Variants in CADM2 observed in about 807,000 individuals in gnomAD.
The protein encoded by CADM2 is cell adhesion molecule 2.
Under a neutral mutation model 49.8 loss-of-function variants are expected in CADM2, and 12 were observed. The observed-to-expected ratio is 0.24, with a 90% CI of 0.15 to 0.39. CADM2 has a LOEUF of 0.39. Among genes scored for constraint, CADM2 ranks in the 10% least tolerant of loss-of-function variants. The pLI is 1.00. For missense variants in CADM2, 378 were observed against 492.3 expected (o/e 0.77, Z 2.20); for synonymous variants, 214 against 175.4 (o/e 1.22, Z -1.74).
At chr3:84,990,514 C>T (rs1010979946) in intron 1 of CADM2, among the ~76,000 whole-genome samples, 5 of 151,580 alleles carry the variant, frequency 3.3e-5, no homozygotes, top group Non-Finnish European at 5.9e-5. Flanking sequence ...TTATTTAGTC[C>T]TATAGTATTA....
intron 1 of CADM2, among the ~76,000 whole-genome samples, chr3:85,563,333 C>T (rs1281800300): frequency 1.3e-5 from 2 of 149,346 alleles, no homozygotes; most frequent in African/African-American, 2.4e-5. Flanking sequence ...CTTACCTCTT[C>T]ATACAACCAT....
At chr3:85,749,988 T>C (rs932310853) in intron 2 of CADM2, among the ~76,000 whole-genome samples, 6 of 152,018 alleles carry the variant, frequency 3.9e-5, no homozygotes, top group Admixed American at 1.3e-4. Context: ...AATGATCACG[T>C]GTATGGTCAA....
chr3:85,136,773 G>A (rs1395368508), intron 1 of CADM2, among the ~76,000 whole-genome samples: 1 of 151,860 alleles, frequency 6.6e-6, no homozygotes, highest in Non-Finnish European at 1.5e-5. Flanking sequence ...TCATATGTAA[G>A]CAAGCTTACT....
chr3:85,695,161 G>C (rs921230), intron 1 of CADM2, among the ~76,000 whole-genome samples: 63,522 of 151,900 alleles, frequency 0.42, 13,352 homozygotes, highest in South Asian at 0.49. Flanking sequence ...GATTTTTGTT[G>C]TCATAAAATG....
intron 2 of CADM2, among the ~76,000 whole-genome samples, chr3:85,764,414 A>G (rs1200255987): frequency 6.6e-6 from 1 of 152,144 alleles, no homozygotes; most frequent in Non-Finnish European, 1.5e-5. Flanking sequence ...TGTCATGAGT[A>G]GACATGCTCT....
intron 1 of CADM2, among the ~76,000 whole-genome samples, chr3:85,429,783 T>C (rs1198846364): frequency 6.6e-6 from 1 of 152,194 alleles, no homozygotes; most frequent in Non-Finnish European, 1.5e-5. Context: ...ATTGGTCAAA[T>C]CTGACCCACT....
chr3:85,576,546 A>G (rs745611581), intron 1 of CADM2, among the ~76,000 whole-genome samples: 1 of 152,250 alleles, frequency 6.6e-6, no homozygotes, highest in Non-Finnish European at 1.5e-5. Context: ...AGGCACAAAC[A>G]TACTCATACA....
chr3:85,240,320 T>A lies in CADM2; in HGVS notation c.61+280652T>A, dbSNP rs72915098. Among the ~76,000 whole-genome samples the A allele has an allele frequency of 6.4e-3, 978 of 151,668 alleles. 14 individuals are homozygous for A. The highest frequency in any genetic ancestry group is 0.022 in the African/African-American group (915 of 41,528). On this transcript the variant is annotated intron_variant, in intron 1 of 9. Coordinates refer to ENST00000383699, the MANE Select transcript of CADM2 (RefSeq NM_001167675.2). ...AAGAGCTATTTCTTGAAATCATCTA[T>A]TGGTGATAATGCTATTTATTTTATT...
intron 8 of CADM2, among the ~76,000 whole-genome samples, chr3:85,991,784 T>A (rs957808835): frequency 6.6e-6 from 1 of 152,130 alleles, no homozygotes; most frequent in African/African-American, 2.4e-5. Context: ...AATTTGGACT[T>A]ATTAATATTA....
intron 1 of CADM2, among the ~76,000 whole-genome samples, chr3:85,467,426 T>A (rs936863243): frequency 2.0e-5 from 3 of 152,152 alleles, no homozygotes; most frequent in Admixed American, 1.3e-4. Flanking sequence ...CCTCAAATAT[T>A]GGAAATTTAA....
At chr3:85,780,971 A>G (rs2070610198) in intron 2 of CADM2, among the ~76,000 whole-genome samples, 1 of 152,072 alleles carries the variant, frequency 6.6e-6, no homozygotes, top group Admixed American at 6.6e-5. Context: ...GAGCCATGAA[A>G]TCAAGCCTAG....
At chr3:85,370,891 G>A (rs2033178778) in intron 1 of CADM2, among the ~76,000 whole-genome samples, 1 of 152,042 alleles carries the variant, frequency 6.6e-6, no homozygotes, top group Non-Finnish European at 1.5e-5. Context: ...AGAGAACTGG[G>A]CTAACGTGTG....
chr3:85,124,197 T>C (rs2038954938), intron 1 of CADM2, among the ~76,000 whole-genome samples: 1 of 152,224 alleles, frequency 6.6e-6, no homozygotes, highest in Non-Finnish European at 1.5e-5. Flanking sequence ...TTCCAAGTCC[T>C]TAAGAAGGAC....
intron 1 of CADM2, among the ~76,000 whole-genome samples, chr3:85,674,662 T>C (rs1214606000): frequency 1.3e-5 from 2 of 152,200 alleles, no homozygotes; most frequent in African/African-American, 4.8e-5. Context: ...CAGACAGTTA[T>C]CATGGTCTGT....
intron 1 of CADM2, among the ~76,000 whole-genome samples, chr3:85,528,677 G>A (rs776637559): frequency 7.9e-5 from 12 of 152,304 alleles, no homozygotes; most frequent in Non-Finnish European, 1.6e-4. Flanking sequence ...GCAGTGAGTA[G>A]TACTGCTATA....
intron 1 of CADM2, among the ~76,000 whole-genome samples, chr3:85,047,931 A>G (rs1212144938): frequency 6.6e-6 from 1 of 152,132 alleles, no homozygotes; most frequent in East Asian, 1.9e-4. Context: ...TTTTCTGCAG[A>G]GTGACAGTAA....
At chr3:86,060,438 A>G (rs1738493604) in intron 8 of CADM2, among the ~76,000 whole-genome samples, 1 of 152,188 alleles carries the variant, frequency 6.6e-6, no homozygotes, top group South Asian at 2.1e-4. Context: ...GAATTGATCT[A>G]CTGCATTAAG....
At position 85,634,480 on chromosome 3, in the gene CADM2, A is replaced by G. The variant is rs1335854926; in HGVS notation, c.62-92042A>G. Among the ~76,000 whole-genome samples, 7 of 152,074 alleles carry G rather than the reference A, an allele frequency of 4.6e-5. No individual in the cohort carries two copies. The East Asian group carries it at 1.3e-3, about 29-fold the overall frequency. ...TGAACCTAATTGCTGGTTCTAATTT[A>G]TATGAACTTTTACATAGTGCCCCAA... On this transcript the variant is annotated intron_variant, in intron 1 of 9. Transcript: ENST00000383699.
At chr3:85,503,485 C>A (rs997679293) in intron 1 of CADM2, among the ~76,000 whole-genome samples, 1 of 152,008 alleles carries the variant, frequency 6.6e-6, no homozygotes. Flanking sequence ...CATTATTTTT[C>A]TTTATTTGAA....
Sources: allele counts gnomAD v4.1 joint callset (sites outside exome capture counted in the v4.1 genomes callset), GRCh38; gene constraint gnomAD v4.1.1; transcripts MANE v1.5; gene names NCBI Gene and HGNC (gene_info 2026-07-23, HGNC 2026-07-21).